The following PTGR1 variants were observed in gnomAD, a reference collection of about 807,000 sequenced individuals.
PTGR1 encodes 15-oxoprostaglandin 13-reductase.
PTGR1 carries 23 observed loss-of-function variants against 37.7 expected under a neutral mutation model. The observed-to-expected ratio is 0.61, with a 90% CI of 0.44 to 0.86. PTGR1 has a LOEUF of 0.86. Ranked by LOEUF, PTGR1 falls within the 40% of genes least tolerant of loss-of-function variation. The pLI is 0.00. For missense variants in PTGR1, 351 were observed against 394.3 expected, an observed-to-expected ratio of 0.89 and a Z score of 0.93; for synonymous variants, 134 against 140.0, an observed-to-expected ratio of 0.96 and a Z score of 0.30.
At position 111,573,084 on chromosome 9, in the gene PTGR1, A is replaced by C. The variant is rs114986816; in HGVS notation, c.760+1650T>G. Among the ~76,000 whole-genome samples the C allele has an allele frequency of 8.6e-3, 1,306 of 152,302 alleles. 22 individuals are homozygous for C. The highest frequency in any genetic ancestry group is 0.029 in the African/African-American group (1,208 of 41,556). On this transcript the variant is annotated intron_variant, in intron 8 of 9. Coordinates refer to ENST00000407693, the MANE Select transcript of PTGR1 (RefSeq NM_001146108.2). Reference sequence around the variant, plus strand: ...AAAATGGAACGGACAAGGCCAGCTGACATCTCAAAGTCCTGTCTGAGCAGC... The same window carrying C: ...AAAATGGAACGGACAAGGCCAGCTGCCATCTCAAAGTCCTGTCTGAGCAGC...
chr9:111,551,912 CTTA>C (rs1262369259), intron 9 of PTGR1, among the ~76,000 whole-genome samples: 4 of 152,114 alleles, frequency 2.6e-5, no homozygotes, highest in African/African-American at 7.2e-5. Flanking sequence ...TCAGATTTTG[CTTA>C]TTTTTTGCAG....
chr9:111,551,400 G>GTTTTTTTTTTTTTTTTTTTTTTTTT (rs58638722), intron 9 of PTGR1, among the ~76,000 whole-genome samples: 2 of 74,430 alleles, frequency 2.7e-5, no homozygotes, highest in Non-Finnish European at 2.5e-5. Context: ...TCCAGTTTTT[G>GTTTTTTTTTTTTTTTTTTTTTTTTT]TTTTTTTTTT....
At chr9:111,575,343 T>A (rs1392658808) in intron 7 of PTGR1, 1 of 152,670 alleles carries the variant, frequency 6.6e-6, no homozygotes, top group Non-Finnish European at 1.5e-5. Context: ...TTTCATTTGA[T>A]TCTAAGACCA....
Position 111,579,026 on chromosome 9 carries a change from G to A in PTGR1, c.496-75C>T, listed in dbSNP as rs1302457771. On this transcript the variant is annotated intron_variant, in intron 6 of 9. Transcript: ENST00000407693. The stretch of plus-strand genomic sequence containing the variant: ...GGACCAACACTACTTTCCTGGTCTC[G>A]TATGCCTAGGTTCCCTAGGAACACT... 2.2e-5 allele frequency: 31 copies of A among 1,391,452 alleles called. No individual in the cohort carries two copies. The South Asian group carries it at 2.7e-4, about 12-fold the overall frequency. 86.2% of individuals were successfully genotyped at this position (1,391,452 alleles called of 1,614,324 possible).
rs1829882918 is a variant in PTGR1, at chr9:111,599,592, G to C, written c.-11+11C>G. Reference sequence around the variant, plus strand: ...GAAAAGGGAAGGAAAGAAAGCAGGAGGTCTACTTACAGGAGCCCGAAGGTT... The same window carrying C: ...GAAAAGGGAAGGAAAGAAAGCAGGACGTCTACTTACAGGAGCCCGAAGGTT... On this transcript the variant is annotated intron_variant, in intron 1 of 9. Coordinates refer to ENST00000407693, the MANE Select transcript of PTGR1 (RefSeq NM_001146108.2). The C allele has an allele frequency of 6.5e-6, 1 of 152,836 alleles. No homozygotes were observed. 9.5% of individuals were successfully genotyped at this position (152,836 alleles called of 1,614,324 possible).
At chr9:111,564,042 T>C (rs1321314854) in intron 9 of PTGR1, 1 of 172,620 alleles carries the variant, frequency 5.8e-6, no homozygotes, top group Non-Finnish European at 1.4e-5. Flanking sequence ...GAAGGGTTCA[T>C]GTTAGTGAGA....
chr9:111,562,206 A>G (rs971255480), downstream of PTGR1, among the ~76,000 whole-genome samples: 3 of 151,696 alleles, frequency 2.0e-5, no homozygotes, highest in Admixed American at 6.6e-5. Context: ...TATAACATGT[A>G]TATGAAAGAT....
chr9:111,588,227 C>T (rs1454465015), intron 4 of PTGR1, among the ~76,000 whole-genome samples: 3 of 146,146 alleles, frequency 2.1e-5, no homozygotes, highest in South Asian at 2.2e-4. Context: ...GACGGAGTCT[C>T]GCTCTATTGC....
In PTGR1 at chr9:111,574,714, C is replaced by G. The variant is rs1453689329; in HGVS notation, c.760+20G>C. On this transcript the variant is annotated intron_variant, in intron 8 of 9. Transcript: ENST00000407693. ...TGTCCAGCCTTGTGACATATGGGAT[C>G]GTGTGCATGTGCTCATTACCTGGGG... is the stretch of plus-strand genomic sequence containing the variant. 2 of 1,555,910 alleles carry G rather than the reference C, an allele frequency of 1.3e-6. No homozygotes were observed. The highest frequency in any genetic ancestry group is 4.6e-5 in the East Asian group (2 of 43,930).
intron 6 of PTGR1, among the ~76,000 whole-genome samples, chr9:111,580,519 G>A (rs1166547048): frequency 2.0e-5 from 3 of 152,266 alleles, no homozygotes; most frequent in East Asian, 3.9e-4. Flanking sequence ...ACTTTGGGGG[G>A]CTGAGGTGGG....
At chr9:111,571,288 T>C (rs906139771) in intron 8 of PTGR1, among the ~76,000 whole-genome samples, 1 of 149,468 alleles carries the variant, frequency 6.7e-6, no homozygotes, top group Admixed American at 6.8e-5. Context: ...GGCACATGCC[T>C]GTAATCCCAG....
downstream of PTGR1, among the ~76,000 whole-genome samples, chr9:111,557,600 T>C (rs1828163194): frequency 1.3e-5 from 2 of 151,834 alleles, no homozygotes; most frequent in South Asian, 4.1e-4. Flanking sequence ...CCCTGCTAAT[T>C]TTTGTATTTT....
chr9:111,584,806 G>A (rs1022208979), intron 5 of PTGR1, among the ~76,000 whole-genome samples: 10 of 152,070 alleles, frequency 6.6e-5, no homozygotes, highest in Admixed American at 6.6e-5. Flanking sequence ...AACAACCGCA[G>A]GGAGAAGAAA....
intron 9 of PTGR1, chr9:111,569,852 A>G: frequency 1.8e-6 from 1 of 551,158 alleles, no homozygotes; most frequent in Non-Finnish European, 3.2e-6. Flanking sequence ...TTGTTATAAA[A>G]GGGAGAGAAG....
chr9:111,592,827 G>A, intron 4 of PTGR1, 99 bp downstream of exon 4: 1 of 1,496,196 alleles, frequency 6.7e-7, no homozygotes, highest in East Asian at 2.3e-5. Flanking sequence ...CAACAACATA[G>A]GCTGAAGAAA....
At chr9:111,580,214 T>C (rs1380737859) in intron 6 of PTGR1, among the ~76,000 whole-genome samples, 2 of 152,220 alleles carry the variant, frequency 1.3e-5, no homozygotes, top group Non-Finnish European at 2.9e-5. Context: ...CAAATCAGTA[T>C]TTCCAACAAC....
At chr9:111,572,094 T>G (rs983402819) in intron 8 of PTGR1, among the ~76,000 whole-genome samples, 1 of 152,202 alleles carries the variant, frequency 6.6e-6, no homozygotes, top group African/African-American at 2.4e-5. Context: ...GAATCTAGCT[T>G]CAGCATCTTT....
intron 9 of PTGR1, chr9:111,564,141 T>C (rs982429187): frequency 2.1e-5 from 12 of 572,328 alleles, no homozygotes; most frequent in Non-Finnish European, 2.8e-5. Flanking sequence ...GGGTCTTATA[T>C]AGAGACCTGA....
At chr9:111,587,784 A>T (rs978258984) in intron 4 of PTGR1, among the ~76,000 whole-genome samples, 3 of 152,136 alleles carry the variant, frequency 2.0e-5, no homozygotes, top group Non-Finnish European at 2.9e-5. Flanking sequence ...AAGTAATGTT[A>T]TATGTTTTAT....
Sources: allele counts gnomAD v4.1 joint callset (sites outside exome capture counted in the v4.1 genomes callset), GRCh38; gene constraint gnomAD v4.1.1; transcripts MANE v1.5; gene names NCBI Gene and HGNC (gene_info 2026-07-23, HGNC 2026-07-21).